GPRIN3: variants seen among roughly 807,000 people sequenced by gnomAD.
The protein encoded by GPRIN3 is G protein-regulated inducer of neurite outgrowth 3.
GPRIN3 carries 12 observed loss-of-function variants against 13.7 expected under a neutral mutation model. The observed-to-expected ratio is 0.87, with a 90% CI of 0.56 to 1.42. The LOEUF (loss-of-function observed/expected upper bound fraction) is 1.42. Among genes scored for constraint, GPRIN3 ranks in the 40% most tolerant of loss-of-function variants. GPRIN3 has a pLI of 0.00. For missense variants in GPRIN3, 1,009 were observed against 958.7 expected (o/e 1.05, Z -0.69); for synonymous variants, 377 against 372.7 (o/e 1.01, Z -0.13).
chr4:89,285,220 G>C (rs559102085), intron 1 of GPRIN3, among the ~76,000 whole-genome samples: 308 of 151,900 alleles, frequency 2.0e-3, no homozygotes, highest in African/African-American at 7.3e-3. Context: ...GTCAGGGGGC[G>C]GGGGAGGGAC....
rs1442831028 is a variant in GPRIN3 at position 89,245,441 on chromosome 4, C to A, written c.*2339G>T. 1 of 152,186 alleles carries A rather than the reference C, an allele frequency of 6.6e-6. No individual in the cohort carries two copies. Among genetic ancestry groups the A allele is most frequent in the Non-Finnish European group, 1.5e-5 (1 of 68,038 alleles). The allele number at this position is 152,186 out of a possible 1,614,324, so 9.4% of individuals were successfully genotyped here. A position where few individuals can be genotyped will look rare whatever the true frequency, so the allele number is the denominator to read the frequency against. ...AATGTATTTAATGTGAGACAAATGCCAACAACTCTCTCAGGCCTCTGCTTC... is the reference window on the plus strand; with the variant it reads ...AATGTATTTAATGTGAGACAAATGCAAACAACTCTCTCAGGCCTCTGCTTC... On this transcript the variant is annotated 3_prime_UTR_variant, in exon 2 of 2. Coordinates refer to ENST00000609438, the MANE Select transcript of GPRIN3 (RefSeq NM_198281.3).
intron 1 of GPRIN3, among the ~76,000 whole-genome samples, chr4:89,257,506 GTATGTGAACTCATCTA>G (rs1723499554): frequency 6.6e-6 from 1 of 152,148 alleles, no homozygotes; most frequent in Non-Finnish European, 1.5e-5. Flanking sequence ...ACACTGTTCT[GTATGTGAACTCATCTA>G]CTCCTTAGAA....
Position 89,297,483 on chromosome 4 carries a change from C to G in GPRIN3, c.-124+10132G>C, listed in dbSNP as rs147291787. On this transcript the variant is annotated intron_variant, in intron 1 of 1. Coordinates refer to ENST00000609438, the MANE Select transcript of GPRIN3 (RefSeq NM_198281.3). Reference sequence around the variant, plus strand: ...TTAGTTGGTCTTTCATTCTTTTCCACTCATCATCATTAATTCTATAATTGA... The same window carrying G: ...TTAGTTGGTCTTTCATTCTTTTCCAGTCATCATCATTAATTCTATAATTGA... Among the ~76,000 whole-genome samples the G allele has an allele frequency of 3.5e-3, 530 of 152,254 alleles. 4 individuals are homozygous for G. Among genetic ancestry groups the G allele is most frequent in the Non-Finnish European group, 2.4e-3 (166 of 68,034 alleles).
At chr4:89,266,999 A>T (rs1723799687) in intron 1 of GPRIN3, among the ~76,000 whole-genome samples, 1 of 152,254 alleles carries the variant, frequency 6.6e-6, no homozygotes, top group African/African-American at 2.4e-5. Context: ...ATATATATGT[A>T]AAGAAAATTA....
At chr4:89,280,147 G>A (rs1471921873) in intron 1 of GPRIN3, among the ~76,000 whole-genome samples, 1 of 151,896 alleles carries the variant, frequency 6.6e-6, no homozygotes, top group Non-Finnish European at 1.5e-5. Context: ...AACTAAACTT[G>A]GTGTTTATGG....
chr4:89,253,016 GAA>G (rs11408492), intron 1 of GPRIN3, among the ~76,000 whole-genome samples: 3,169 of 124,062 alleles, frequency 0.026, 93 homozygotes, highest in African/African-American at 0.088. Flanking sequence ...TCTCAAAAAA[GAA>G]AAAAAAAAAA....
intron 1 of GPRIN3, among the ~76,000 whole-genome samples, chr4:89,299,445 A>C (rs72872597): frequency 0.019 from 2,937 of 152,190 alleles, 96 homozygotes; most frequent in African/African-American, 0.068. Flanking sequence ...GAGAGATTTC[A>C]GAGCGCTATG....
chr4:89,303,751 C>G (rs1392775864), intron 1 of GPRIN3, among the ~76,000 whole-genome samples: 1 of 148,676 alleles, frequency 6.7e-6, no homozygotes, highest in Non-Finnish European at 1.5e-5. Flanking sequence ...ACATGTATAC[C>G]ATTATATATA....
chr4:89,283,150 T>C (rs911631945), intron 1 of GPRIN3, among the ~76,000 whole-genome samples: 3 of 152,210 alleles, frequency 2.0e-5, no homozygotes, highest in African/African-American at 7.2e-5. Context: ...AGAGTAATTA[T>C]TTTTCTTATT....
At chr4:89,259,536 C>T (rs1723568892) in intron 1 of GPRIN3, among the ~76,000 whole-genome samples, 1 of 152,170 alleles carries the variant, frequency 6.6e-6, no homozygotes, top group African/African-American at 2.4e-5. Context: ...TTTTAAAATC[C>T]TGTGTTAGAT....
Position 89,248,086 on chromosome 4 carries a change from C to A in GPRIN3, c.2025G>T (p.Leu675=), listed in dbSNP as rs755274141. 1 of 1,614,164 alleles carries A rather than the reference C, an allele frequency of 6.2e-7. No homozygotes were observed. Among genetic ancestry groups the A allele is most frequent in the Non-Finnish European group, 8.5e-7 (1 of 1,179,998 alleles). Residue 675 remains leucine (L), a synonymous_variant, in exon 2 of 2, where the codon CTG becomes CTT. Transcript: ENST00000609438. ...KQLGADSKLQ[L]KQSKRVRDVV... is the part of the protein sequence containing the mutation. ...CGTCCCTGACACGCTTGGACTGTTTCAGCTGGAGCTTGGAGTCTGCGCCAA... is the reference window on the plus strand; with the variant it reads ...CGTCCCTGACACGCTTGGACTGTTTAAGCTGGAGCTTGGAGTCTGCGCCAA...
At chr4:89,260,309 G>A (rs1279912895) in intron 1 of GPRIN3, among the ~76,000 whole-genome samples, 1 of 152,104 alleles carries the variant, frequency 6.6e-6, no homozygotes, top group Non-Finnish European at 1.5e-5. Context: ...CTCCCCATTT[G>A]CTGTTTGCAA....
chr4:89,282,671 C>T (rs190024761), intron 1 of GPRIN3, among the ~76,000 whole-genome samples: 6 of 149,526 alleles, frequency 4.0e-5, no homozygotes, highest in Admixed American at 2.0e-4. Flanking sequence ...ATTATTCCAG[C>T]GTGACCCAGG....
chr4:89,259,221 G>A (rs1723560742), intron 1 of GPRIN3, among the ~76,000 whole-genome samples: 1 of 152,036 alleles, frequency 6.6e-6, no homozygotes, highest in Non-Finnish European at 1.5e-5. Context: ...TTTTTGGTCC[G>A]TTTTCAACAA....
intron 1 of GPRIN3, among the ~76,000 whole-genome samples, chr4:89,251,410 T>A (rs1183212141): frequency 6.6e-6 from 1 of 152,190 alleles, no homozygotes; most frequent in East Asian, 1.9e-4. Flanking sequence ...TGGAGGCAGT[T>A]TAATTTTTAA....
At chr4:89,303,353 G>T (rs887836130) in intron 1 of GPRIN3, among the ~76,000 whole-genome samples, 1 of 152,036 alleles carries the variant, frequency 6.6e-6, no homozygotes, top group Non-Finnish European at 1.5e-5. Context: ...TCTGAGAAAT[G>T]AAATAATCAC....
intron 1 of GPRIN3, among the ~76,000 whole-genome samples, chr4:89,267,394 A>T (rs28679346): frequency 0.064 from 9,791 of 152,258 alleles, 485 homozygotes; most frequent in South Asian, 0.21. Flanking sequence ...ATGGGTATGA[A>T]GTATATAATT....
At chr4:89,268,692 G>GA (rs1215157351) in intron 1 of GPRIN3, among the ~76,000 whole-genome samples, 1 of 152,164 alleles carries the variant, frequency 6.6e-6, no homozygotes, top group African/African-American at 2.4e-5. Flanking sequence ...AGAAAGATGG[G>GA]AATAGCAGGC....
chr4:89,254,220 C>T (rs1017902426), intron 1 of GPRIN3, among the ~76,000 whole-genome samples: 1 of 150,886 alleles, frequency 6.6e-6, no homozygotes, highest in African/African-American at 2.4e-5. Flanking sequence ...CTTTTTCCTT[C>T]TTTCTCTTTT....
Sources: allele counts gnomAD v4.1 joint callset (sites outside exome capture counted in the v4.1 genomes callset), GRCh38; gene constraint gnomAD v4.1.1; transcripts MANE v1.5; gene names NCBI Gene and HGNC (gene_info 2026-07-23, HGNC 2026-07-21).